The following GGTA1 variants were observed in gnomAD, a reference collection of about 807,000 sequenced individuals.
GGTA1 encodes the protein inactive N-acetyllactosaminide alpha-1,3-galactosyltransferase.
In GGTA1, 5 loss-of-function variants were observed where a neutral mutation model predicts 2.6. That is an observed-to-expected ratio of 1.92 (90% CI 1.00 to 4.04). The LOEUF (loss-of-function observed/expected upper bound fraction) is 4.04. Ranked by LOEUF, GGTA1 falls within the 30% of genes most tolerant of loss-of-function variation. The pLI, the probability that GGTA1 is intolerant of heterozygous loss-of-function variation, is 0.00. For missense variants in GGTA1, 50 were observed against 16.7 expected (o/e 2.99, Z -3.47); for synonymous variants, 17 against 5.0 (o/e 3.38, Z -3.19).
intron 1 of GGTA1, among the ~76,000 whole-genome samples, chr9:121,484,396 G>C (rs955946465): frequency 6.6e-6 from 1 of 151,584 alleles, no homozygotes; most frequent in Admixed American, 6.6e-5. Context: ...GTCTCGCTCT[G>C]TCGCCCAGGC....
intron 1 of GGTA1, among the ~76,000 whole-genome samples, chr9:121,490,551 C>T (rs1039747154): frequency 1.3e-5 from 2 of 152,168 alleles, no homozygotes; most frequent in East Asian, 1.9e-4. Flanking sequence ...CACAACGGGC[C>T]GGATCCTCCC....
At chr9:121,473,126 C>T (rs1828427809) in intron 1 of GGTA1, among the ~76,000 whole-genome samples, 1 of 151,992 alleles carries the variant, frequency 6.6e-6, no homozygotes, top group African/African-American at 2.4e-5. Flanking sequence ...TCGAGACCAG[C>T]CTGGCCAACA....
chr9:121,492,645 A>G (rs1828893828), intron 1 of GGTA1, among the ~76,000 whole-genome samples: 1 of 151,520 alleles, frequency 6.6e-6, no homozygotes, highest in African/African-American at 2.4e-5. Context: ...GGCTAATTTT[A>G]TATTTTTAGT....
At chr9:121,469,064 A>C (rs1025662520) in intron 1 of GGTA1, among the ~76,000 whole-genome samples, 4 of 151,916 alleles carry the variant, frequency 2.6e-5, no homozygotes, top group African/African-American at 9.7e-5. Flanking sequence ...ACAGGCAAGC[A>C]AAAAAAATGG....
exon 8 of GGTA1, chr9:121,445,816 G>C (rs889420274): frequency 1.3e-5 from 2 of 152,218 alleles, no homozygotes; most frequent in Admixed American, 1.3e-4. Context: ...TCTACTCCTT[G>C]ATGTCAGTCC....
chr9:121,484,817 C>G (rs559146389), intron 1 of GGTA1, among the ~76,000 whole-genome samples: 4 of 152,328 alleles, frequency 2.6e-5, no homozygotes, highest in African/African-American at 9.6e-5. Context: ...TGATCCTCCT[C>G]TCTAAGACTA....
chr9:121,457,183 G>A (rs1292032778), intron 5 of GGTA1, among the ~76,000 whole-genome samples: 2 of 152,204 alleles, frequency 1.3e-5, no homozygotes, highest in African/African-American at 4.8e-5. Flanking sequence ...CTCCCAGACT[G>A]TGTGTCTTGA....
intron 1 of GGTA1, among the ~76,000 whole-genome samples, chr9:121,485,082 G>A (rs985314106): frequency 6.6e-6 from 1 of 152,158 alleles, no homozygotes; most frequent in Non-Finnish European, 1.5e-5. Context: ...AATGGAATTT[G>A]GAATCTGGAA....
chr9:121,451,376 G>A (rs144683906), downstream of GGTA1, among the ~76,000 whole-genome samples: 1,274 of 152,180 alleles, frequency 8.4e-3, 19 homozygotes, highest in African/African-American at 0.029. Flanking sequence ...TCATAGAGAC[G>A]GGGTTTCACC....
At chr9:121,465,025 A>AC (rs2064994952) in intron 2 of GGTA1, among the ~76,000 whole-genome samples, 3 of 150,718 alleles carry the variant, frequency 2.0e-5, no homozygotes, top group Non-Finnish European at 4.4e-5. Flanking sequence ...AAAACAAAAA[A>AC]CAACTCCTCC....
At chr9:121,488,348 T>G (rs1046398357) in intron 1 of GGTA1, among the ~76,000 whole-genome samples, 5 of 152,174 alleles carry the variant, frequency 3.3e-5, no homozygotes, top group African/African-American at 9.7e-5. Context: ...GAGGGCCTAC[T>G]ACATGCAGGC....
At chr9:121,465,005 C>CAAAAAAAAAAAAAAAAAAA (rs1036218289) in intron 2 of GGTA1, among the ~76,000 whole-genome samples, 1 of 117,842 alleles carries the variant, frequency 8.5e-6, no homozygotes, top group Non-Finnish European at 1.9e-5. Context: ...ACAAAACAAA[C>CAAAAAAAAAAAAAAAAAAA]AAAAAAAAAA....
intron 1 of GGTA1, among the ~76,000 whole-genome samples, chr9:121,472,019 GAAGCTGGGT>G (rs763412359): frequency 6.6e-6 from 1 of 152,214 alleles, no homozygotes; most frequent in Non-Finnish European, 1.5e-5. Flanking sequence ...TTTGACAAAT[GAAGCTGGGT>G]AACCCTGAGC....
At chr9:121,459,928 T>C (rs1056403364) in intron 5 of GGTA1, among the ~76,000 whole-genome samples, 176 bp downstream of exon 5, 1 of 152,220 alleles carries the variant, frequency 6.6e-6, no homozygotes, top group African/African-American at 2.4e-5. Context: ...GAAATATACT[T>C]TACATCACAA....
intron 1 of GGTA1, chr9:121,479,189 C>T (rs1828581785): frequency 2.3e-6 from 1 of 442,324 alleles, no homozygotes; most frequent in African/African-American, 2.1e-5. Context: ...GTGACCCCAG[C>T]ATGGCAGAAG....
At chr9:121,460,079 C>T (rs1589328252) in intron 5 of GGTA1, 25 bp downstream of exon 5, 2 of 456,484 alleles carry the variant, frequency 4.4e-6, no homozygotes, top group Admixed American at 4.7e-5. Context: ...ATTTGCTGCA[C>T]AGGGAGTGAC....
intron 1 of GGTA1, among the ~76,000 whole-genome samples, chr9:121,473,960 G>GA (rs1828451259): frequency 5.1e-5 from 4 of 78,902 alleles, no homozygotes; most frequent in East Asian, 2.6e-4. Context: ...AGAGAGAGAG[G>GA]GAGGGAGGGA....
intron 1 of GGTA1, among the ~76,000 whole-genome samples, chr9:121,471,470 A>G (rs1828387216): frequency 6.6e-6 from 1 of 152,242 alleles, no homozygotes; most frequent in African/African-American, 2.4e-5. Context: ...CTCTGGACAC[A>G]GGTCATTTTC....
intron 1 of GGTA1, among the ~76,000 whole-genome samples, chr9:121,497,810 C>T (rs1428202563): frequency 1.3e-5 from 2 of 152,214 alleles, no homozygotes; most frequent in East Asian, 3.9e-4. Flanking sequence ...ATGAGATTCA[C>T]AGGCTTCTTC....
Sources: allele counts gnomAD v4.1 joint callset (sites outside exome capture counted in the v4.1 genomes callset), GRCh38; gene constraint gnomAD v4.1.1; transcripts MANE v1.5; gene names NCBI Gene and HGNC (gene_info 2026-07-23, HGNC 2026-07-21).